GUCY1A2: variants seen among roughly 807,000 people sequenced by gnomAD.
GUCY1A2 encodes guanylate cyclase soluble subunit alpha-2.
Under a neutral mutation model 63.5 loss-of-function variants are expected in GUCY1A2, and 27 were observed. That is an observed-to-expected ratio of 0.43 (90% confidence interval 0.31 to 0.59). The LOEUF is 0.59. GUCY1A2 is among the 20% of genes least tolerant of loss of function. The pLI is 0.11. For synonymous variants in GUCY1A2, 364 were observed against 343.5 expected, an observed-to-expected ratio of 1.06 and a Z score of -0.66; for missense variants, 768 against 913.3, an observed-to-expected ratio of 0.84 and a Z score of 2.05.
chr11:106,709,749 A>C (rs1236465769), intron 6 of GUCY1A2, among the ~76,000 whole-genome samples: 1 of 140,790 alleles, frequency 7.1e-6, no homozygotes, highest in Non-Finnish European at 1.5e-5. Context: ...ATACACGTAT[A>C]GAATATATAG....
chr11:106,930,460 C>T (rs1393456936), intron 4 of GUCY1A2, among the ~76,000 whole-genome samples: 1 of 152,196 alleles, frequency 6.6e-6, no homozygotes, highest in African/African-American at 2.4e-5. Flanking sequence ...TAATCATACA[C>T]AATACTGTCT....
intron 5 of GUCY1A2, among the ~76,000 whole-genome samples, chr11:106,781,585 C>T (rs1406569556): frequency 1.3e-5 from 2 of 151,946 alleles, no homozygotes; most frequent in Non-Finnish European, 2.9e-5. Flanking sequence ...TTTTTTAAGA[C>T]AGGGTCTCAC....
At chr11:106,975,573 A>G (rs1165486024) in intron 3 of GUCY1A2, among the ~76,000 whole-genome samples, 2 of 152,172 alleles carry the variant, frequency 1.3e-5, no homozygotes, top group African/African-American at 4.8e-5. Context: ...CCCAGCCTCC[A>G]TTATCACAGC....
At chr11:106,747,590 T>C (rs1008516297) in intron 6 of GUCY1A2, among the ~76,000 whole-genome samples, 15 of 152,220 alleles carry the variant, frequency 9.9e-5, no homozygotes, top group Non-Finnish European at 1.9e-4. Context: ...AAAAGGCACA[T>C]GACATTCTGG....
At chr11:106,829,699 G>C (rs540269067) in intron 4 of GUCY1A2, among the ~76,000 whole-genome samples, 1 of 152,288 alleles carries the variant, frequency 6.6e-6, no homozygotes, top group East Asian at 1.9e-4. Context: ...ACAGTGTTTG[G>C]TTGGGGTGAC....
intron 6 of GUCY1A2, among the ~76,000 whole-genome samples, chr11:106,750,360 C>A (rs534434047): frequency 6.6e-6 from 1 of 152,180 alleles, no homozygotes; most frequent in Non-Finnish European, 1.5e-5. Flanking sequence ...TCCTAGCTCA[C>A]TGAGGCAAAT....
intron 7 of GUCY1A2, among the ~76,000 whole-genome samples, chr11:106,694,306 A>G (rs1381680762): frequency 6.6e-6 from 1 of 152,220 alleles, no homozygotes; most frequent in Non-Finnish European, 1.5e-5. Context: ...TCTCAGGAGA[A>G]CAAACCTCTC....
At chr11:106,742,692 G>T (rs1010312348) in intron 6 of GUCY1A2, among the ~76,000 whole-genome samples, 4 of 152,064 alleles carry the variant, frequency 2.6e-5, no homozygotes, top group Non-Finnish European at 4.4e-5. Flanking sequence ...ATATTCCTTT[G>T]GGTACATATC....
At chr11:106,768,152 C>G (rs1038424895) in intron 6 of GUCY1A2, among the ~76,000 whole-genome samples, 2 of 151,904 alleles carry the variant, frequency 1.3e-5, no homozygotes, top group Non-Finnish European at 2.9e-5. Context: ...CAATGTCAAT[C>G]TCTCTCTCTC....
intron 4 of GUCY1A2, among the ~76,000 whole-genome samples, chr11:106,913,119 CA>C (rs1860317890): frequency 5.6e-5 from 3 of 53,302 alleles, no homozygotes; most frequent in Non-Finnish European, 1.2e-4. Flanking sequence ...GAATTTTTTT[CA>C]AAAGATATAT....
intron 6 of GUCY1A2, among the ~76,000 whole-genome samples, chr11:106,713,254 A>T (rs1338424862): frequency 6.6e-6 from 1 of 152,190 alleles, no homozygotes; most frequent in African/African-American, 2.4e-5. Context: ...GATTTTAAAA[A>T]GTTTTTTTAA....
intron 4 of GUCY1A2, among the ~76,000 whole-genome samples, chr11:106,914,634 G>A (rs1169046205): frequency 6.7e-6 from 1 of 150,192 alleles, no homozygotes; most frequent in African/African-American, 2.4e-5. Flanking sequence ...ATAATTACAA[G>A]GAAAATTAAA....
Position 106,936,688 on chromosome 11 carries a change from G to A in GUCY1A2, c.1206+2772C>T, listed in dbSNP as rs779699259. Reference sequence around the variant, plus strand: ...AATCCTGCCACTGATAACTGCGTCAGATGCCCCTCGGTGACATGCTTGCTC... The same window carrying A: ...AATCCTGCCACTGATAACTGCGTCAAATGCCCCTCGGTGACATGCTTGCTC... On this transcript the variant is annotated intron_variant, in intron 4 of 7. Transcript: ENST00000526355. The A allele has an allele frequency of 6.5e-6, 10 of 1,530,938 alleles. No individual in the cohort carries two copies. The South Asian group carries it at 1.2e-4, about 18-fold the overall frequency. 94.8% of individuals were successfully genotyped at this position (1,530,938 alleles called of 1,614,324 possible).
intron 4 of GUCY1A2, chr11:106,826,635 T>G (rs998252563): frequency 1.2e-6 from 2 of 1,606,358 alleles, no homozygotes; most frequent in Non-Finnish European, 1.7e-6. Context: ...TTCCCAGCAG[T>G]ACAACCTTAT....
At chr11:106,931,100 C>T (rs117379298) in intron 4 of GUCY1A2, among the ~76,000 whole-genome samples, 2,311 of 152,212 alleles carry the variant, frequency 0.015, 29 homozygotes, top group Non-Finnish European at 0.026. Flanking sequence ...TAAAAGACAA[C>T]TGCATAGGAA....
intron 4 of GUCY1A2, among the ~76,000 whole-genome samples, chr11:106,892,526 GTCAATCTTCC>G (rs1262195767): frequency 6.6e-6 from 1 of 152,074 alleles, no homozygotes; most frequent in African/African-American, 2.4e-5. Flanking sequence ...CCTGAAATGT[GTCAATCTTCC>G]TACCTTTGTT....
At chr11:106,881,801 T>A (rs1433376076) in intron 4 of GUCY1A2, among the ~76,000 whole-genome samples, 1 of 152,072 alleles carries the variant, frequency 6.6e-6, no homozygotes, top group Non-Finnish European at 1.5e-5. Flanking sequence ...CTGATTTAAA[T>A]GTTCTCTGCA....
In GUCY1A2 at chr11:106,676,291, T is replaced by C. The variant is rs959182425; in HGVS notation, c.*11258A>G. On this transcript the variant is annotated 3_prime_UTR_variant, in exon 8 of 8. Transcript: ENST00000526355. ...GACTTATTTTCCCTTAGGAGTCAAATACTCTGCTAGAAATGATTTAATTTT... is the reference window on the plus strand; with the variant it reads ...GACTTATTTTCCCTTAGGAGTCAAACACTCTGCTAGAAATGATTTAATTTT... 2.2e-5 allele frequency: 4 copies of C among 184,086 alleles called. No homozygotes were observed. The highest frequency in any genetic ancestry group is 9.4e-5 in the African/African-American group (4 of 42,672). The allele number at this position is 184,086 out of a possible 1,614,324, so 11.4% of individuals were successfully genotyped here. A position where few individuals can be genotyped will look rare whatever the true frequency, so the allele number is the denominator to read the frequency against.
At chr11:106,762,174 CAAT>C (rs1247221599) in intron 6 of GUCY1A2, among the ~76,000 whole-genome samples, 2 of 151,920 alleles carry the variant, frequency 1.3e-5, no homozygotes, top group East Asian at 3.9e-4. Flanking sequence ...TGAGAAAACA[CAAT>C]AAAAGAAATG....
Sources: gnomAD v4.1 joint callset for allele counts (sites outside exome capture counted in the v4.1 genomes callset) on GRCh38, gnomAD v4.1.1 for gene constraint, MANE v1.5 for transcripts, NCBI Gene and HGNC (gene_info 2026-07-23, HGNC 2026-07-21) for gene names.